The following TSPAN18 variants were observed in gnomAD, a reference collection of about 807,000 sequenced individuals.
TSPAN18 encodes tetraspanin-18.
Under a neutral mutation model 27.3 loss-of-function variants are expected in TSPAN18, and 14 were observed. The observed-to-expected ratio is 0.51, with a 90% CI of 0.34 to 0.80. TSPAN18 has a LOEUF of 0.80. TSPAN18 is among the 30% of genes least tolerant of loss of function. TSPAN18 has a pLI of 0.01. For missense variants in TSPAN18, 268 were observed against 323.9 expected (o/e 0.83, Z 1.32); for synonymous variants, 143 against 136.5 (o/e 1.05, Z -0.33).
At chr11:44,795,976 G>T (rs1200109113) in intron 2 of TSPAN18, among the ~76,000 whole-genome samples, 1 of 152,110 alleles carries the variant, frequency 6.6e-6, no homozygotes, top group Non-Finnish European at 1.5e-5. Context: ...TCAGGGGTGA[G>T]CCATGGCTGT....
chr11:44,915,539 C>T (rs1859872954), intron 5 of TSPAN18, among the ~76,000 whole-genome samples: 1 of 152,202 alleles, frequency 6.6e-6, no homozygotes, highest in Admixed American at 6.5e-5. Flanking sequence ...CTTCAGGAAG[C>T]ACAGGAGCAT....
intron 2 of TSPAN18, among the ~76,000 whole-genome samples, chr11:44,805,440 C>G (rs1415651075): frequency 6.6e-6 from 1 of 152,186 alleles, no homozygotes; most frequent in Non-Finnish European, 1.5e-5. Context: ...TGGGAAGGGT[C>G]TTGATGCCTA....
In TSPAN18 at chr11:44,928,009, C is replaced by T. The variant is rs140808899; in HGVS notation, c.700-1122C>T. Among the ~76,000 whole-genome samples the T allele has an allele frequency of 7.9e-5, 12 of 152,316 alleles. 1 individual carries two copies. In the East Asian group the frequency reaches 1.9e-3, roughly 25 times the overall value. ...ATGGGAGGCAGAATCCTGCTCAAGA[C>T]GGAGACCTTTACATGGCCCCGTCCC... On this transcript the variant is annotated intron_variant, in intron 9 of 9. Coordinates refer to ENST00000520358, the MANE Select transcript of TSPAN18 (RefSeq NM_130783.5).
intron 2 of TSPAN18, among the ~76,000 whole-genome samples, chr11:44,810,239 G>A (rs1856684464): frequency 6.6e-6 from 1 of 152,182 alleles, no homozygotes; most frequent in African/African-American, 2.4e-5. Context: ...CCTCCGTCAA[G>A]TTCCAAAACA....
chr11:44,736,145 C>G (rs1316116216), intron 1 of TSPAN18: 2 of 152,202 alleles, frequency 1.3e-5, no homozygotes, highest in African/African-American at 4.8e-5. Flanking sequence ...TTTCATTCCT[C>G]TTACTATTAC....
At chr11:44,822,371 C>T (rs1590531299) in intron 2 of TSPAN18, among the ~76,000 whole-genome samples, 1 of 152,122 alleles carries the variant, frequency 6.6e-6, no homozygotes, top group South Asian at 2.1e-4. Context: ...TCTCACTCAG[C>T]GACAATCCAG....
rs1565122981 is a variant in TSPAN18, at chr11:44,727,094, C to CAGCCCG, written c.-433_-432insAGCCCG. 6.5e-4 allele frequency: 15 copies of CAGCCCG among 23,224 alleles called. No homozygotes were observed. The highest frequency in any genetic ancestry group is 1.9e-3 in the Non-Finnish European group (4 of 2,088). The allele number at this position is 23,224 out of a possible 1,614,324, so 1.4% of individuals were successfully genotyped here. A position where few individuals can be genotyped will look rare whatever the true frequency, so the allele number is the denominator to read the frequency against. ...CCAGCCCCGGCCCCGGCCCCGGCCCCGGCCCCGGCCCCGGTCCCGGCCCCG... is the reference window on the plus strand; with the variant it reads ...CCAGCCCCGGCCCCGGCCCCGGCCCCAGCCCGGGCCCCGGCCCCGGTCCCGGCCCCG... On this transcript the variant is annotated 5_prime_UTR_variant, in exon 1 of 10. Transcript: ENST00000520358.
At chr11:44,792,431 G>A (rs1258910121) in intron 2 of TSPAN18, among the ~76,000 whole-genome samples, 1 of 152,204 alleles carries the variant, frequency 6.6e-6, no homozygotes, top group East Asian at 1.9e-4. Context: ...GTGAGCGGGG[G>A]TGGCCAGGGA....
chr11:44,749,727 C>T (rs1855166658), intron 1 of TSPAN18, among the ~76,000 whole-genome samples: 2 of 150,680 alleles, frequency 1.3e-5, no homozygotes, highest in African/African-American at 2.5e-5. Context: ...AACTCTGCCT[C>T]CCGGGTTCAC....
intron 2 of TSPAN18, among the ~76,000 whole-genome samples, chr11:44,821,781 C>T (rs1193340984): frequency 1.3e-5 from 2 of 152,206 alleles, no homozygotes; most frequent in African/African-American, 2.4e-5. Context: ...CATAAATTTA[C>T]AGAAACTAAC....
rs1296696873 is a variant in TSPAN18 at position 44,793,006 on chromosome 11, G to GGGGAAGGGGAGGGAGCTGGGAAAAT, written c.-153+28503_-153+28527dup. On this transcript the variant is annotated intron_variant, in intron 2 of 9. Transcript: ENST00000520358. ...ACCCTGAGATGTGATATGCTCCCAGGGGGAAGGGGAGGGAGCTGGGAAAAT... is the reference window on the plus strand; with the variant it reads ...ACCCTGAGATGTGATATGCTCCCAGGGGGAAGGGGAGGGAGCTGGGAAAATGGGAAGGGGAGGGAGCTGGGAAAAT... Among the ~76,000 whole-genome samples, 6 of 152,192 alleles carry GGGGAAGGGGAGGGAGCTGGGAAAAT rather than the reference G, an allele frequency of 3.9e-5. No individual in the cohort carries two copies. In the South Asian group the frequency reaches 1.0e-3, roughly 26 times the overall value.
At chr11:44,846,310 C>T (rs1226071485) in intron 2 of TSPAN18, among the ~76,000 whole-genome samples, 1 of 152,246 alleles carries the variant, frequency 6.6e-6, no homozygotes, top group Non-Finnish European at 1.5e-5. Flanking sequence ...ACTCCATTCC[C>T]ACCGCCTCAA....
intron 2 of TSPAN18, among the ~76,000 whole-genome samples, chr11:44,829,071 G>A (rs535219583): frequency 2.6e-5 from 4 of 152,158 alleles, no homozygotes; most frequent in South Asian, 4.1e-4. Context: ...CAAACAATTC[G>A]AAAAGTACAA....
chr11:44,883,558 C>A (rs1858553920), intron 3 of TSPAN18, among the ~76,000 whole-genome samples: 1 of 152,222 alleles, frequency 6.6e-6, no homozygotes, highest in Non-Finnish European at 1.5e-5. Context: ...GTGGCAGAGA[C>A]AACTCCACCC....
At chr11:44,776,937 G>A (rs939895660) in intron 2 of TSPAN18, among the ~76,000 whole-genome samples, 20 of 152,224 alleles carry the variant, frequency 1.3e-4, no homozygotes, top group Admixed American at 3.9e-4. Flanking sequence ...TGCCCCAGGA[G>A]CCTGCATGGG....
intron 2 of TSPAN18, among the ~76,000 whole-genome samples, chr11:44,777,627 A>AAT (rs1855843053): frequency 1.3e-5 from 2 of 152,148 alleles, no homozygotes; most frequent in Admixed American, 1.3e-4. Context: ...GGCTGAGAGA[A>AAT]ATTGCATGGT....
intron 2 of TSPAN18, among the ~76,000 whole-genome samples, chr11:44,805,900 G>C (rs898038081): frequency 3.9e-5 from 6 of 152,016 alleles, no homozygotes; most frequent in African/African-American, 1.5e-4. Context: ...CTCTTAAAAA[G>C]ACACAGTCAT....
rs1029205423 is a variant in TSPAN18, at chr11:44,760,556, A to G, written c.-239-3870A>G. On this transcript the variant is annotated intron_variant, in intron 1 of 9. Transcript: ENST00000520358. Reference sequence around the variant, plus strand: ...GTTATATTTCAATTAAAACAGTAACAGTAGAGTAGGAAACATCAGGAGACA... The same window carrying G: ...GTTATATTTCAATTAAAACAGTAACGGTAGAGTAGGAAACATCAGGAGACA... Among the ~76,000 whole-genome samples the G allele has an allele frequency of 3.9e-5, 6 of 152,240 alleles. No homozygotes were observed. The East Asian group carries it at 1.2e-3, about 29-fold the overall frequency.
chr11:44,877,188 T>C (rs1259337000), intron 3 of TSPAN18, among the ~76,000 whole-genome samples: 1 of 152,236 alleles, frequency 6.6e-6, no homozygotes, highest in Non-Finnish European at 1.5e-5. Flanking sequence ...CCATAATGGC[T>C]TCACTGTGGT....
Sources: allele counts gnomAD v4.1 joint callset (sites outside exome capture counted in the v4.1 genomes callset), GRCh38; gene constraint gnomAD v4.1.1; transcripts MANE v1.5; gene names NCBI Gene and HGNC (gene_info 2026-07-23, HGNC 2026-07-21).